The following FRMPD4 variants were observed in gnomAD, a reference collection of about 807,000 sequenced individuals.
FRMPD4 encodes the protein FERM and PDZ domain containing 4.
Under a neutral mutation model 94.1 loss-of-function variants are expected in FRMPD4, and 22 were observed. The ratio of observed to expected loss-of-function variants is 0.23; its 90% CI spans 0.17 to 0.33. The LOEUF is 0.33. FRMPD4 is among the 10% of genes least tolerant of loss of function. The probability of loss-of-function intolerance (pLI) is 1.00; values close to 1 mark genes in which losing one functional copy is unlikely to be tolerated. For synonymous variants in FRMPD4, 631 were observed against 548.6 expected, an observed-to-expected ratio of 1.15 and a Z score of -2.10; for missense variants, 1,111 against 1,339.9, an observed-to-expected ratio of 0.83 and a Z score of 2.67.
At chrX:12,358,007 C>A (rs1569244595) in intron 1 of FRMPD4, among the ~76,000 whole-genome samples, 2 of 111,659 alleles carry the variant, frequency 1.8e-5, no homozygotes, top group African/African-American at 6.5e-5. Context: ...TTCGTGATTG[C>A]CTTCTTTCAT....
intron 3 of FRMPD4, among the ~76,000 whole-genome samples, chrX:12,090,157 C>A (rs183181631): frequency 1.8e-5 from 2 of 110,933 alleles, no homozygotes; most frequent in African/African-American, 6.6e-5. Context: ...GGAGGTGAGG[C>A]CTGGTGGGAG....
intron 1 of FRMPD4, among the ~76,000 whole-genome samples, chrX:12,158,674 G>A (rs761486489): frequency 2.7e-5 from 3 of 111,978 alleles, no homozygotes; most frequent in Admixed American, 9.5e-5. Flanking sequence ...ATCTTTGTGT[G>A]TAGTTGTATT....
chrX:12,343,925 A>G (rs890409904), intron 1 of FRMPD4, among the ~76,000 whole-genome samples: 5 of 112,191 alleles, frequency 4.5e-5, no homozygotes, highest in African/African-American at 1.6e-4. Context: ...AAGCATCATC[A>G]TATGTTGCCA....
At chrX:12,456,612 T>TCTTA in intron 1 of FRMPD4, among the ~76,000 whole-genome samples, 2 of 112,295 alleles carry the variant, frequency 1.8e-5, no homozygotes, top group Middle Eastern at 9.2e-3. Context: ...AGGGGATTTG[T>TCTTA]CTTAAATAAG....
intron 3 of FRMPD4, among the ~76,000 whole-genome samples, chrX:12,087,332 C>G (rs5979507): frequency 1.3e-3 from 141 of 111,801 alleles, no homozygotes; most frequent in African/African-American, 4.2e-3. Context: ...CTTTCCAAGC[C>G]TATTTCCTCC....
intron 1 of FRMPD4, among the ~76,000 whole-genome samples, chrX:12,168,622 C>CTTTTTT (rs35114337): frequency 5.7e-5 from 4 of 70,167 alleles, no homozygotes; most frequent in Admixed American, 1.7e-4. Context: ...GACACTGACC[C>CTTTTTT]TTTTTTTTTT....
intron 4 of FRMPD4, among the ~76,000 whole-genome samples, chrX:12,643,917 T>C (rs765380153): frequency 8.9e-6 from 1 of 112,271 alleles, no homozygotes; most frequent in Non-Finnish European, 1.9e-5. Context: ...AACACTAAAT[T>C]TTTTCACTGC....
chrX:12,299,580 AAAGT>A (rs925674881), intron 1 of FRMPD4, among the ~76,000 whole-genome samples: 1 of 110,623 alleles, frequency 9.0e-6, no homozygotes, highest in African/African-American at 3.3e-5. Context: ...AAAAAAAAAA[AAAGT>A]AAAGCACCCC....
intron 1 of FRMPD4, among the ~76,000 whole-genome samples, chrX:12,462,165 T>C (rs1010101383): frequency 1.8e-5 from 2 of 112,058 alleles, no homozygotes; most frequent in Non-Finnish European, 3.8e-5. Flanking sequence ...CTGACTCCAA[T>C]AGACTGAGGA....
intron 3 of FRMPD4, among the ~76,000 whole-genome samples, chrX:11,893,801 A>G (rs1158156034): frequency 1.8e-5 from 2 of 111,493 alleles, no homozygotes; most frequent in African/African-American, 6.5e-5. Flanking sequence ...TTCTTTTTCC[A>G]GTTAGGGCAG....
At chrX:12,194,703 A>C (rs960145371) in intron 1 of FRMPD4, among the ~76,000 whole-genome samples, 1 of 112,145 alleles carries the variant, frequency 8.9e-6, no homozygotes, top group Non-Finnish European at 1.9e-5. Context: ...AGAATCTGCA[A>C]AGCAAAAAAT....
intron 14 of FRMPD4, 57 bp from the exon 15 acceptor site, chrX:12,716,012 C>CCCCCCCCCACACA: frequency 2.8e-6 from 1 of 355,842 alleles, no homozygotes; most frequent in Non-Finnish European, 5.0e-6. Flanking sequence ...CCCACCCCCG[C>CCCCCCCCCACACA]CCCACCCAAA....
intron 4 of FRMPD4, among the ~76,000 whole-genome samples, chrX:12,641,958 G>A (rs750970858): frequency 2.7e-5 from 3 of 111,512 alleles, no homozygotes; most frequent in Non-Finnish European, 3.8e-5. Context: ...AAATGTTTGC[G>A]TCCCAGGCAC....
At chrX:12,679,405 G>A (rs1352728250) in intron 5 of FRMPD4, among the ~76,000 whole-genome samples, 2 of 111,882 alleles carry the variant, frequency 1.8e-5, no homozygotes, top group Non-Finnish European at 3.8e-5. Context: ...CAACCAGGCG[G>A]GGACCAGACA....
At chrX:12,657,506 T>C (rs1439505092) in intron 4 of FRMPD4, among the ~76,000 whole-genome samples, 1 of 111,968 alleles carries the variant, frequency 8.9e-6, no homozygotes, top group Non-Finnish European at 1.9e-5. Flanking sequence ...TTGGGGTTTT[T>C]TTTAACCTAA....
rs776735132 is a variant in FRMPD4 at position 12,171,857 on chromosome X, G to C, written c.41+32845G>C. ...ACTGACAATAGCTAAACACAATCTG[G>C]CTATCAGGTACAGCCATTCTCAGGT... is the stretch of plus-strand genomic sequence containing the variant. On this transcript the variant is annotated intron_variant, in intron 1 of 16. Coordinates refer to ENST00000675598, the MANE Select transcript of FRMPD4 (RefSeq NM_001368397.1). Among the ~76,000 whole-genome samples the C allele has an allele frequency of 5.4e-5, 6 of 111,807 alleles. No individual in the cohort carries two copies. In the South Asian group the frequency reaches 2.3e-3, roughly 43 times the overall value.
intron 1 of FRMPD4, among the ~76,000 whole-genome samples, chrX:12,476,466 G>C (rs1243950237): frequency 3.6e-5 from 4 of 110,855 alleles, no homozygotes; most frequent in Non-Finnish European, 5.7e-5. Context: ...TGACAAATGG[G>C]ATCTAATTAA....
At chrX:12,039,967 CAA>C (rs367795862) in intron 3 of FRMPD4, among the ~76,000 whole-genome samples, 8 of 31,991 alleles carry the variant, frequency 2.5e-4, no homozygotes, top group Non-Finnish European at 4.4e-4. Flanking sequence ...AAAACTTTGT[CAA>C]AAAAAAAAAA....
intron 1 of FRMPD4, among the ~76,000 whole-genome samples, chrX:12,456,308 C>T (rs2057333047): frequency 9.0e-6 from 1 of 111,475 alleles, no homozygotes; most frequent in South Asian, 3.8e-4. Flanking sequence ...TCCCTTTCTT[C>T]CTTTCTCTTT....
Sources: gnomAD v4.1 joint callset for allele counts (sites outside exome capture counted in the v4.1 genomes callset) on GRCh38, gnomAD v4.1.1 for gene constraint, MANE v1.5 for transcripts, NCBI Gene and HGNC (gene_info 2026-07-23, HGNC 2026-07-21) for gene names.